The following H3C2 variants were observed in gnomAD, a reference collection of about 807,000 sequenced individuals.
H3C2 encodes the protein histone H3.1.
H3C2 carries 13 observed loss-of-function variants against 8.7 expected under a neutral mutation model. The observed-to-expected ratio is 1.49, with a 90% confidence interval of 0.97 to 2.37. H3C2 has a LOEUF of 2.37. Among genes scored for constraint, H3C2 ranks in the 30% most tolerant of loss-of-function variants. The probability of loss-of-function intolerance (pLI) is 0.00; values close to 1 mark genes in which losing one functional copy is unlikely to be tolerated. For synonymous variants in H3C2, 166 were observed against 77.6 expected (o/e 2.14, Z -5.99); for missense variants, 144 against 190.4 (o/e 0.76, Z 1.44).
chr6:26,031,628 T>C lies in H3C2; in HGVS notation c.*22A>G, dbSNP rs1444763214. The C allele has an allele frequency of 1.9e-6, 3 of 1,607,412 alleles. No individual in the cohort carries two copies. The highest frequency in any genetic ancestry group is 1.7e-5 in the Admixed American group (1 of 57,530). On this transcript the variant is annotated 3_prime_UTR_variant, in exon 1 of 1. Coordinates refer to ENST00000621411, the MANE Select transcript of H3C2 (RefSeq NM_003537.4). ...GAAAAGAGCCTTTGGGTTTTAAGAC[T>C]GATGAAAAAGTGACTTTACATTTAC... is the stretch of plus-strand genomic sequence containing the variant.
Position 26,032,004 on chromosome 6 carries a change from C to CT in H3C2, c.56dup (p.Gln20AlafsTer79). On this transcript the variant is annotated frameshift_variant, in exon 1 of 1. Transcript: ENST00000621411. LOFTEE classifies it high-confidence loss of function. ...TGCGAGCAGCCTTGGTAGCCAGCTGCTTGCGTGGCGCTTTACCGCCGGTGG... is the reference window on the plus strand; with the variant it reads ...TGCGAGCAGCCTTGGTAGCCAGCTGCTTTGCGTGGCGCTTTACCGCCGGTGG... 6.2e-7 allele frequency: 1 copy of CT among 1,613,942 alleles called. No individual in the cohort carries two copies. The highest frequency in any genetic ancestry group is 8.5e-7 in the Non-Finnish European group (1 of 1,180,026).
chr6:26,031,702 A>G lies in H3C2; in HGVS notation c.359T>C (p.Ile120Thr). The G allele has an allele frequency of 6.2e-7, 1 of 1,614,210 alleles. No individual in the cohort carries two copies. Among genetic ancestry groups the G allele is most frequent in the Non-Finnish European group, 8.5e-7 (1 of 1,180,030 alleles). ...LCAIHAKRVT[I>T]MPKDIQLARR... is the part of the protein sequence containing the mutation. ...AGCGAGCTGGATGTCTTTGGGCATA[A>G]TAGTCACTCGCTTAGCATGGATGGC... is the stretch of plus-strand genomic sequence containing the variant. Residue 120 changes from isoleucine (I) to threonine (T), a missense_variant, in exon 1 of 1, where the codon ATT (isoleucine) becomes ACT (threonine). Transcript: ENST00000621411.
At position 26,032,045 on chromosome 6, in the gene H3C2, G is replaced by A. The variant is rs1761469735; in HGVS notation, c.16C>T (p.Gln6Ter). 2.5e-6 allele frequency: 4 copies of A among 1,612,282 alleles called. No individual in the cohort carries two copies. Among genetic ancestry groups the A allele is most frequent in the East Asian group, 2.2e-5 (1 of 44,900 alleles). The part of the protein sequence containing the change: MARTK[Q>*]TARKSTGGKA... ...CCGCCGGTGGATTTCCGAGCTGTCT[G>A]TTTAGTACGAGCCATGGCAAAACCA... Residue 6 changes from glutamine to a stop codon, truncating the protein, a stop_gained, in exon 1 of 1, where the codon CAG (glutamine) becomes TAG (stop). Transcript: ENST00000621411. LOFTEE classifies it high-confidence loss of function.
rs1561919033 is a variant in H3C2, at chr6:26,031,829, C to T, written c.232G>A (p.Asp78Asn). The change falls in exon 1 of 1, where the codon GAC becomes AAC. Residue 78 changes from aspartate to asparagine, a missense_variant. Coordinates refer to ENST00000621411, the MANE Select transcript of H3C2 (RefSeq NM_003537.4). Reference protein sequence around the residue: ...FQRLVREIAQDFKTDLRFQSS... With the variant: ...FQRLVREIAQNFKTDLRFQSS... ...TGGAAGCGAAGATCGGTCTTGAAGT[C>T]TTGGGCGATTTCTCGCACCAGGCGC... 1.2e-6 allele frequency: 2 copies of T among 1,614,246 alleles called. No homozygotes were observed. The highest frequency in any genetic ancestry group is 1.7e-6 in the Non-Finnish European group (2 of 1,180,040).
rs529124123 is a variant in H3C2, at chr6:26,031,597, G to A, written c.*53C>T. 1.1e-5 allele frequency: 17 copies of A among 1,552,276 alleles called. No individual in the cohort carries two copies. In the Admixed American group the frequency reaches 1.4e-4, roughly 13 times the overall value. On this transcript the variant is annotated 3_prime_UTR_variant, in exon 1 of 1. Coordinates refer to ENST00000621411, the MANE Select transcript of H3C2 (RefSeq NM_003537.4). ...GCTACTTTCGTTGGAATAAGTGGGT[G>A]GCTCTGAAAAGAGCCTTTGGGTTTT...
rs768539488 is a variant in H3C2, at chr6:26,032,069, C to T, written c.-9G>A. 6 of 1,601,854 alleles carry T rather than the reference C, an allele frequency of 3.7e-6. No homozygotes were observed. In the East Asian group the frequency reaches 1.1e-4, roughly 30 times the overall value. ...TGTTTAGTACGAGCCATGGCAAAAC[C>T]ACAGAAAAGCTTGCCTGCAGAGACG... is the stretch of plus-strand genomic sequence containing the variant. On this transcript the variant is annotated 5_prime_UTR_variant, in exon 1 of 1. Coordinates refer to ENST00000621411, the MANE Select transcript of H3C2 (RefSeq NM_003537.4).
At position 26,031,631 on chromosome 6, in the gene H3C2, T is replaced by G. The variant is rs1004562472; in HGVS notation, c.*19A>C. ...AAGAGCCTTTGGGTTTTAAGACTGATGAAAAAGTGACTTTACATTTACGCT... is the reference window on the plus strand; with the variant it reads ...AAGAGCCTTTGGGTTTTAAGACTGAGGAAAAAGTGACTTTACATTTACGCT... On this transcript the variant is annotated 3_prime_UTR_variant, in exon 1 of 1. Coordinates refer to ENST00000621411, the MANE Select transcript of H3C2 (RefSeq NM_003537.4). 6.2e-7 allele frequency: 1 copy of G among 1,608,454 alleles called. No homozygotes were observed. Among genetic ancestry groups the G allele is most frequent in the Non-Finnish European group, 8.5e-7 (1 of 1,178,588 alleles).
rs771665688 is a variant in H3C2 at position 26,031,935 on chromosome 6, G to A, written c.126C>T (p.Tyr42=). The A allele has an allele frequency of 3.7e-6, 6 of 1,614,254 alleles. No homozygotes were observed. Among genetic ancestry groups the A allele is most frequent in the South Asian group, 1.1e-5 (1 of 91,092 alleles). ...ATGGVKKPHR[Y]RPGTVALREI... ...CGCGCAGAGCCACAGTGCCCGGGCG[G>A]TAACGGTGAGGCTTTTTCACGCCGC... Residue 42 remains tyrosine (Y), a synonymous_variant, in exon 1 of 1, where the codon TAC becomes TAT. Coordinates refer to ENST00000621411, the MANE Select transcript of H3C2 (RefSeq NM_003537.4).
At position 26,031,833 on chromosome 6, in the gene H3C2, G is replaced by A. The variant is rs1208787674; in HGVS notation, c.228C>T (p.Ala76=). The change falls in exon 1 of 1, where the codon GCC becomes GCT. Residue 76 remains alanine, a synonymous_variant. Transcript: ENST00000621411. ...LPFQRLVREI[A]QDFKTDLRFQ... ...AGCGAAGATCGGTCTTGAAGTCTTGGGCGATTTCTCGCACCAGGCGCTGGA... is the reference window on the plus strand; with the variant it reads ...AGCGAAGATCGGTCTTGAAGTCTTGAGCGATTTCTCGCACCAGGCGCTGGA... 1.2e-6 allele frequency: 2 copies of A among 1,614,226 alleles called. No individual in the cohort carries two copies. The highest frequency in any genetic ancestry group is 8.5e-7 in the Non-Finnish European group (1 of 1,180,032).
rs993202464 is a variant in H3C2, at chr6:26,032,089, G to C, written c.-29C>G. On this transcript the variant is annotated 5_prime_UTR_variant, in exon 1 of 1. Transcript: ENST00000621411. The stretch of plus-strand genomic sequence containing the variant: ...AAAACCACAGAAAAGCTTGCCTGCA[G>C]AGACGTCTGTGGAGGAAAGGAAAGA... The C allele has an allele frequency of 3.8e-6, 6 of 1,589,734 alleles. No individual in the cohort carries two copies. The highest frequency in any genetic ancestry group is 5.1e-6 in the Non-Finnish European group (6 of 1,173,136).
In H3C2 at chr6:26,031,637, A is replaced by G; in HGVS notation, c.*13T>C. 1 of 1,608,844 alleles carries G rather than the reference A, an allele frequency of 6.2e-7. No individual in the cohort carries two copies. Among genetic ancestry groups the G allele is most frequent in the Non-Finnish European group, 8.5e-7 (1 of 1,178,910 alleles). On this transcript the variant is annotated 3_prime_UTR_variant, in exon 1 of 1. Transcript: ENST00000621411. ...CTTTGGGTTTTAAGACTGATGAAAAAGTGACTTTACATTTACGCTCTTTCT... is the reference window on the plus strand; with the variant it reads ...CTTTGGGTTTTAAGACTGATGAAAAGGTGACTTTACATTTACGCTCTTTCT...
chr6:26,031,614 T>A lies in H3C2; in HGVS notation c.*36A>T, dbSNP rs2113677363. On this transcript the variant is annotated 3_prime_UTR_variant, in exon 1 of 1. Coordinates refer to ENST00000621411, the MANE Select transcript of H3C2 (RefSeq NM_003537.4). The stretch of plus-strand genomic sequence containing the variant: ...AAGTGGGTGGCTCTGAAAAGAGCCT[T>A]TGGGTTTTAAGACTGATGAAAAAGT... 6.3e-7 allele frequency: 1 copy of A among 1,593,354 alleles called. No individual in the cohort carries two copies. The highest frequency in any genetic ancestry group is 8.5e-7 in the Non-Finnish European group (1 of 1,170,912).
rs1324732668 is a variant in H3C2, at chr6:26,031,616, G to A, written c.*34C>T. 1.4e-5 allele frequency: 22 copies of A among 1,595,210 alleles called. No homozygotes were observed. The highest frequency in any genetic ancestry group is 2.7e-5 in the African/African-American group (2 of 73,584). On this transcript the variant is annotated 3_prime_UTR_variant, in exon 1 of 1. Transcript: ENST00000621411. ...GTGGGTGGCTCTGAAAAGAGCCTTT[G>A]GGTTTTAAGACTGATGAAAAAGTGA...
In H3C2 at chr6:26,031,710, T is replaced by C. The variant is rs1417213364; in HGVS notation, c.351A>G (p.Arg117=). ...DTNLCAIHAK[R]VTIMPKDIQL... ...GGATGTCTTTGGGCATAATAGTCAC[T>C]CGCTTAGCATGGATGGCGCAAAGGT... Residue 117 remains arginine, a synonymous_variant, in exon 1 of 1, where the codon CGA becomes CGG. Coordinates refer to ENST00000621411, the MANE Select transcript of H3C2 (RefSeq NM_003537.4). The C allele has an allele frequency of 6.2e-7, 1 of 1,614,244 alleles. No homozygotes were observed. Among genetic ancestry groups the C allele is most frequent in the African/African-American group, 1.3e-5 (1 of 75,068 alleles).
At position 26,031,860 on chromosome 6, in the gene H3C2, C is replaced by T. The variant is rs2113678369; in HGVS notation, c.201G>A (p.Pro67=). ...CGATTTCTCGCACCAGGCGCTGGAA[C>T]GGCAGCTTCCGAATCAGCAACTCGG... is the stretch of plus-strand genomic sequence containing the variant. ...KSTELLIRKL[P]FQRLVREIAQ... Residue 67 remains proline (P), a synonymous_variant, in exon 1 of 1, where the codon CCG becomes CCA. Coordinates refer to ENST00000621411, the MANE Select transcript of H3C2 (RefSeq NM_003537.4). The T allele has an allele frequency of 1.2e-6, 2 of 1,614,256 alleles. No homozygotes were observed. The highest frequency in any genetic ancestry group is 1.7e-6 in the Non-Finnish European group (2 of 1,180,048).
rs779584891 is a variant in H3C2, at chr6:26,031,949, T to TA, written c.111_112insT (p.Lys38Ter). ...GTGCCCGGGCGGTAACGGTGAGGCT[T>TA]TTTCACGCCGCCGGTAGCCGGCGCG... On this transcript the variant is annotated frameshift_variant, in exon 1 of 1. Coordinates refer to ENST00000621411, the MANE Select transcript of H3C2 (RefSeq NM_003537.4). LOFTEE classifies it high-confidence loss of function. The TA allele has an allele frequency of 6.2e-7, 1 of 1,614,188 alleles. No homozygotes were observed. The highest frequency in any genetic ancestry group is 8.5e-7 in the Non-Finnish European group (1 of 1,180,036).
Position 26,031,910 on chromosome 6 carries a change from C to G in H3C2, c.151G>C (p.Glu51Gln). 6.2e-7 allele frequency: 1 copy of G among 1,614,242 alleles called. No individual in the cohort carries two copies. Among genetic ancestry groups the G allele is most frequent in the Non-Finnish European group, 8.5e-7 (1 of 1,180,044 alleles). ...GTCGACTTTTGGTAGCGGCGGATCTCGCGCAGAGCCACAGTGCCCGGGCGG... is the reference window on the plus strand; with the variant it reads ...GTCGACTTTTGGTAGCGGCGGATCTGGCGCAGAGCCACAGTGCCCGGGCGG... ...RYRPGTVALREIRRYQKSTEL... is the reference protein window; with the variant it reads ...RYRPGTVALRQIRRYQKSTEL... The change falls in exon 1 of 1, where the codon GAG (glutamate) becomes CAG (glutamine). Residue 51 changes from glutamate to glutamine, a missense_variant. Glu to Gln is a conservative substitution (Grantham distance 29). Transcript: ENST00000621411.
chr6:26,032,096 CTG>C lies in H3C2; in HGVS notation c.-38_-37del. The stretch of plus-strand genomic sequence containing the variant: ...CAGAAAAGCTTGCCTGCAGAGACGT[CTG>C]TGGAGGAAAGGAAAGAGCTACTCTT... On this transcript the variant is annotated 5_prime_UTR_variant, in exon 1 of 1. Coordinates refer to ENST00000621411, the MANE Select transcript of H3C2 (RefSeq NM_003537.4). 3 of 1,574,190 alleles carry C rather than the reference CTG, an allele frequency of 1.9e-6. No individual in the cohort carries two copies. Among genetic ancestry groups the C allele is most frequent in the South Asian group, 1.1e-5 (1 of 87,138 alleles).
rs1056015578 is a variant in H3C2, at chr6:26,031,896, G to T, written c.165C>A (p.Tyr55Ter). The T allele has an allele frequency of 2.5e-6, 4 of 1,614,134 alleles. No individual in the cohort carries two copies. The African/African-American group carries it at 4.0e-5, about 16-fold the overall frequency. Reference protein sequence around the residue: ...GTVALREIRRYQKSTELLIRK... With the variant: ...GTVALREIRR ...GAATCAGCAACTCGGTCGACTTTTG[G>T]TAGCGGCGGATCTCGCGCAGAGCCA... The change falls in exon 1 of 1, where the codon TAC becomes TAA. Residue 55 changes from tyrosine (Y) to a stop codon, truncating the protein, a stop_gained. Coordinates refer to ENST00000621411, the MANE Select transcript of H3C2 (RefSeq NM_003537.4). LOFTEE classifies it high-confidence loss of function.
Sources: allele counts gnomAD v4.1 joint callset, GRCh38; gene constraint gnomAD v4.1.1; transcripts MANE v1.5; gene names NCBI Gene and HGNC (gene_info 2026-07-23, HGNC 2026-07-21).